Variants in SLC5A9 observed in about 807,000 individuals in gnomAD.
The protein encoded by SLC5A9 is sodium/glucose cotransporter 4.
Under a neutral mutation model 70.9 loss-of-function variants are expected in SLC5A9, and 59 were observed. The observed-to-expected ratio is 0.83, with a 90% CI of 0.68 to 1.03. The LOEUF is 1.03. SLC5A9 is among the 50% of genes least tolerant of loss of function. The pLI is 0.00. For missense variants in SLC5A9, 832 were observed against 881.1 expected (o/e 0.94, Z 0.71); for synonymous variants, 340 against 346.5 (o/e 0.98, Z 0.21).
At chr1:48,233,903 A>G in intron 9 of SLC5A9, 141 bp downstream of exon 9, 3 of 661,846 alleles carry the variant, frequency 4.5e-6, no homozygotes, top group Non-Finnish European at 5.5e-6. Context: ...CAACACATAC[A>G]CACACGTTTT....
In SLC5A9 at chr1:48,233,666, T is replaced by C. The variant is rs1644288424; in HGVS notation, c.1045T>C (p.Cys349Arg). The change falls in exon 9 of 14, where the codon TGC (cysteine) becomes CGC (arginine). Residue 349 changes from cysteine to arginine, a missense_variant. Coordinates refer to ENST00000438567, the MANE Select transcript of SLC5A9 (RefSeq NM_001011547.3). ...SRALFPDEVG[C>R]VDPDVCQRIC... ...TACTTCTTCCACAGACGAGGTGGGC[T>C]GCGTGGACCCTGATGTCTGCCAAAG... 1.2e-6 allele frequency: 2 copies of C among 1,613,846 alleles called. No homozygotes were observed. Among genetic ancestry groups the C allele is most frequent in the Non-Finnish European group, 1.7e-6 (2 of 1,179,928 alleles).
intron 13 of SLC5A9, 141 bp from the exon 14 acceptor site, chr1:48,247,194 C>T: frequency 1.3e-6 from 1 of 742,090 alleles, no homozygotes; most frequent in Non-Finnish European, 2.2e-6. Context: ...CACCCCTCCC[C>T]AGTTTCTGTG....
chr1:48,225,026 C>G (rs969663342), intron 2 of SLC5A9, among the ~76,000 whole-genome samples: 1 of 152,076 alleles, frequency 6.6e-6, no homozygotes, highest in African/African-American at 2.4e-5. Context: ...AGGTGTGGCC[C>G]TACATCTGGC....
intron 2 of SLC5A9, 149 bp from the exon 3 acceptor site, chr1:48,228,701 A>G: frequency 1.6e-6 from 2 of 1,288,376 alleles, no homozygotes. Context: ...CCCTGCGGAT[A>G]TCTGTGGAAT....
intron 5 of SLC5A9, 72 bp downstream of exon 5, chr1:48,230,777 G>A (rs1456276998): frequency 8.9e-7 from 1 of 1,118,304 alleles, no homozygotes; most frequent in African/African-American, 1.5e-5. Context: ...CTGAAGGAGA[G>A]ACAACCAGAG....
At chr1:48,236,295 A>G (rs540448986) in intron 10 of SLC5A9, among the ~76,000 whole-genome samples, 1 of 152,300 alleles carries the variant, frequency 6.6e-6, no homozygotes, top group East Asian at 1.9e-4. Flanking sequence ...TCTACTGTGC[A>G]TCACATCCCA....
chr1:48,223,152 G>C (rs11807747), intron 1 of SLC5A9, among the ~76,000 whole-genome samples: 2,302 of 152,170 alleles, frequency 0.015, 54 homozygotes, highest in African/African-American at 0.052. Flanking sequence ...TCCTCTCTGA[G>C]CACCTGCTGC....
rs1215214178 is a variant in SLC5A9 at position 48,233,636 on chromosome 1, G to A, written c.1034-19G>A. On this transcript the variant is annotated intron_variant, in intron 8 of 13. Transcript: ENST00000438567. ...AGGCACGAGATCACGGACTCTAACTGCCATTACTTCTTCCACAGACGAGGT... is the reference window on the plus strand; with the variant it reads ...AGGCACGAGATCACGGACTCTAACTACCATTACTTCTTCCACAGACGAGGT... 6.2e-7 allele frequency: 1 copy of A among 1,603,968 alleles called. No individual in the cohort carries two copies. Among genetic ancestry groups the A allele is most frequent in the Admixed American group, 1.7e-5 (1 of 59,932 alleles).
intron 13 of SLC5A9, 46 bp downstream of exon 13, chr1:48,242,662 G>A (rs1644406432): frequency 6.5e-7 from 1 of 1,541,244 alleles, no homozygotes; most frequent in African/African-American, 1.4e-5. Context: ...AGGAACAGGG[G>A]GGACAGACCT....
At chr1:48,242,418 CT>C in intron 12 of SLC5A9, 38 bp from the exon 13 acceptor site, 1 of 1,551,284 alleles carries the variant, frequency 6.4e-7, no homozygotes. Context: ...CATGACTTCT[CT>C]CCAAGGCAAC....
chr1:48,235,970 C>T, intron 10 of SLC5A9, 91 bp downstream of exon 10: 1 of 1,478,996 alleles, frequency 6.8e-7, no homozygotes, highest in African/African-American at 1.4e-5. Context: ...TGGGTTGGAC[C>T]CTGGACTGGC....
chr1:48,231,527 C>T lies in SLC5A9; in HGVS notation c.611-18C>T. On this transcript the variant is annotated intron_variant, in intron 5 of 13. Transcript: ENST00000438567. ...CCAAACTGGTGCTGACTGATGAGCCCTCTCCTTGGGTCCCCAGGTGGCCTC... is the reference window on the plus strand; with the variant it reads ...CCAAACTGGTGCTGACTGATGAGCCTTCTCCTTGGGTCCCCAGGTGGCCTC... 6.2e-7 allele frequency: 1 copy of T among 1,613,364 alleles called. No individual in the cohort carries two copies. The highest frequency in any genetic ancestry group is 8.5e-7 in the Non-Finnish European group (1 of 1,179,826).
chr1:48,243,372 G>A (rs1210754634), intron 13 of SLC5A9, among the ~76,000 whole-genome samples: 1 of 152,122 alleles, frequency 6.6e-6, no homozygotes, highest in Non-Finnish European at 1.5e-5. Flanking sequence ...ATGACATATG[G>A]AGTGCACCCC....
chr1:48,241,531 T>C (rs1644390231), intron 12 of SLC5A9, among the ~76,000 whole-genome samples: 1 of 152,068 alleles, frequency 6.6e-6, no homozygotes, highest in Non-Finnish European at 1.5e-5. Context: ...ATCACTGATA[T>C]AAGGCAGAGA....
At position 48,233,750 on chromosome 1, in the gene SLC5A9, C is replaced by T. The variant is rs768225318; in HGVS notation, c.1129C>T (p.Leu377Phe). 11 of 1,613,088 alleles carry T rather than the reference C, an allele frequency of 6.8e-6. No individual in the cohort carries two copies. In the Admixed American group the frequency reaches 1.3e-4, roughly 20 times the overall value. ...NIAYPKLVMA[L>F]MPVGLRGLMI... ...TGCCTACCCTAAGTTGGTCATGGCCCTCATGCCTGTTGGTGAGTCTCTTCT... is the reference window on the plus strand; with the variant it reads ...TGCCTACCCTAAGTTGGTCATGGCCTTCATGCCTGTTGGTGAGTCTCTTCT... The change falls in exon 9 of 14, where the codon CTC becomes TTC. Residue 377 changes from leucine to phenylalanine, a missense_variant. Physicochemically the swap from Leu to Phe is conservative, Grantham distance 22. Transcript: ENST00000438567.
At chr1:48,238,042 G>T (rs1038720875) in intron 11 of SLC5A9, among the ~76,000 whole-genome samples, 195 bp downstream of exon 11, 58 of 152,228 alleles carry the variant, frequency 3.8e-4, no homozygotes, top group African/African-American at 1.4e-3. Flanking sequence ...CTCCAGGGAT[G>T]CAGTAGTTTA....
At chr1:48,227,384 AGT>A (rs1189520715) in intron 2 of SLC5A9, among the ~76,000 whole-genome samples, 2 of 56,816 alleles carry the variant, frequency 3.5e-5, no homozygotes, top group South Asian at 5.3e-4. Context: ...CATGTGTGAG[AGT>A]GTGTGTGTAC....
chr1:48,235,652 G>T, intron 9 of SLC5A9, 77 bp from the exon 10 acceptor site: 1 of 1,555,970 alleles, frequency 6.4e-7, no homozygotes, highest in South Asian at 1.2e-5. Context: ...TCTACAGAAT[G>T]CTCCAGCAGC....
rs143051695 is a variant in SLC5A9, at chr1:48,232,397, A to C, written c.928A>C (p.Ser310Arg). 451 of 1,613,984 alleles carry C rather than the reference A, an allele frequency of 2.8e-4. 3 individuals carry two copies. The highest frequency in any genetic ancestry group is 1.3e-4 in the Non-Finnish European group (154 of 1,180,022). ...TGTGCAGCGGTCTCTCTCGGCCAAG[A>C]GTCTGTCTCATGCCAAGGGAGGCTC... Reference protein sequence around the residue: ...VIVQRSLSAKSLSHAKGGSVL... With the variant: ...VIVQRSLSAKRLSHAKGGSVL... The change falls in exon 8 of 14, where the codon AGT becomes CGT. Residue 310 changes from serine (S) to arginine (R), a missense_variant. Ser to Arg is a moderately radical substitution (Grantham distance 110, BLOSUM62 -1). Transcript: ENST00000438567.
Sources: allele counts gnomAD v4.1 joint callset (sites outside exome capture counted in the v4.1 genomes callset), GRCh38; gene constraint gnomAD v4.1.1; transcripts MANE v1.5; gene names NCBI Gene and HGNC (gene_info 2026-07-23, HGNC 2026-07-21).